The following ADIRF variants were observed in gnomAD, a reference collection of about 807,000 sequenced individuals.
The protein encoded by ADIRF is adipogenesis factor rich in obesity.
A neutral mutation model predicts 7.8 loss-of-function variants in ADIRF; 9 were observed. The ratio of observed to expected loss-of-function variants is 1.15; its 90% confidence interval spans 0.70 to 2.01. ADIRF has a LOEUF of 2.01. Among genes scored for constraint, ADIRF ranks in the 30% most tolerant of loss-of-function variants. The pLI is 0.00. For missense variants in ADIRF, 106 were observed against 98.1 expected (o/e 1.08, Z -0.34); for synonymous variants, 48 against 39.9 (o/e 1.20, Z -0.77).
chr10:86,970,813 A>G lies in ADIRF; in HGVS notation c.*231A>G. On this transcript the variant is annotated 3_prime_UTR_variant, in exon 3 of 3. Coordinates refer to ENST00000372013, the MANE Select transcript of ADIRF (RefSeq NM_006829.3). The stretch of plus-strand genomic sequence containing the variant: ...GCAGAGCCACCGTAGCCGGAGTCCT[A>G]GCCTCCCAAATTCGGAAATCCAATC... 3.3e-6 allele frequency: 2 copies of G among 611,238 alleles called. No homozygotes were observed. The highest frequency in any genetic ancestry group is 6.1e-6 in the Non-Finnish European group (2 of 327,172). The allele number at this position is 611,238 out of a possible 1,614,324, so 37.9% of individuals were successfully genotyped here.
intron 1 of ADIRF, 53 bp downstream of exon 1, chr10:86,968,658 C>A: frequency 6.3e-7 from 1 of 1,581,102 alleles, no homozygotes; most frequent in Non-Finnish European, 8.6e-7. Context: ...CGTGGATGCG[C>A]AGGCAGAAGC....
chr10:86,968,673 G>C, intron 1 of ADIRF, 68 bp downstream of exon 1: 1 of 1,545,242 alleles, frequency 6.5e-7, no homozygotes, highest in South Asian at 1.2e-5. Context: ...AGAAGCAGCG[G>C]GTCGGCGCGG....
At chr10:86,969,730 G>C (rs1844545013) in intron 1 of ADIRF, 1 of 152,954 alleles carries the variant, frequency 6.5e-6, no homozygotes, top group Non-Finnish European at 1.5e-5. Context: ...GGAGGGAGGA[G>C]GCAGTAAGGA....
intron 1 of ADIRF, 120 bp downstream of exon 1, chr10:86,968,725 G>C (rs1054712263): frequency 2.6e-6 from 3 of 1,169,384 alleles, no homozygotes; most frequent in African/African-American, 3.2e-5. Context: ...GGAAGGCTCG[G>C]TCCTCCACTG....
At position 86,970,680 on chromosome 10, in the gene ADIRF, C is replaced by A; in HGVS notation, c.*98C>A. ...TCTAGCACAGCCTGGCCCTGATCTC[C>A]GGGCAGCCACCACCTCCTCGGTCTG... On this transcript the variant is annotated 3_prime_UTR_variant, in exon 3 of 3. Coordinates refer to ENST00000372013, the MANE Select transcript of ADIRF (RefSeq NM_006829.3). The A allele has an allele frequency of 2.0e-6, 2 of 1,020,388 alleles. No homozygotes were observed. Among genetic ancestry groups the A allele is most frequent in the Non-Finnish European group, 3.0e-6 (2 of 663,164 alleles). The allele number at this position is 1,020,388 out of a possible 1,614,324, so 63.2% of individuals were successfully genotyped here.
chr10:86,970,549 T>C lies in ADIRF; in HGVS notation c.198T>C (p.Ser66=), dbSNP rs765406198. ...CTAACCAGGCCTCTGACACCTTCTC[T>C]GGGATTGGGAAAAAATTCGGCCTCC... ...KTANQASDTF[S]GIGKKFGLLK Residue 66 remains serine (S), a synonymous_variant, in exon 3 of 3, where the codon TCT becomes TCC. Transcript: ENST00000372013. 32 of 1,613,124 alleles carry C rather than the reference T, an allele frequency of 2.0e-5. No individual in the cohort carries two copies. The highest frequency in any genetic ancestry group is 2.7e-5 in the Non-Finnish European group (32 of 1,179,686).
In ADIRF at chr10:86,970,424, A is replaced by G. The variant is rs767405082; in HGVS notation, c.125-52A>G. On this transcript the variant is annotated intron_variant, in intron 2 of 2. Transcript: ENST00000372013. Reference sequence around the variant, plus strand: ...CCCAGGCCAGGCTAAGCCTACAGGCACTGTGGTTCCCGGGCCCTGCCTGAC... The same window carrying G: ...CCCAGGCCAGGCTAAGCCTACAGGCGCTGTGGTTCCCGGGCCCTGCCTGAC... 13 of 1,550,674 alleles carry G rather than the reference A, an allele frequency of 8.4e-6. No homozygotes were observed. In the South Asian group the frequency reaches 9.2e-5, roughly 11 times the overall value.
rs1371307205 is a variant in ADIRF at position 86,968,535 on chromosome 10, C to A, written c.-10C>A. The A allele has an allele frequency of 1.2e-6, 2 of 1,613,452 alleles. No homozygotes were observed. Among genetic ancestry groups the A allele is most frequent in the Non-Finnish European group, 1.7e-6 (2 of 1,179,800 alleles). ...GCTGCTCTTGACGACTCCACAGATA[C>A]CCCGAAGCCATGGCAAGCAAGGGCT... On this transcript the variant is annotated 5_prime_UTR_variant, in exon 1 of 3. Coordinates refer to ENST00000372013, the MANE Select transcript of ADIRF (RefSeq NM_006829.3).
chr10:86,970,109 A>G, intron 1 of ADIRF, 91 bp from the exon 2 acceptor site: 1 of 1,243,130 alleles, frequency 8.0e-7, no homozygotes, highest in South Asian at 2.2e-5. Flanking sequence ...ACCACCGAAT[A>G]CTCTGGAGGA....
chr10:86,970,064 ACTTTATC>A, intron 1 of ADIRF, 129 bp from the exon 2 acceptor site: 5 of 816,788 alleles, frequency 6.1e-6, no homozygotes, highest in Non-Finnish European at 8.5e-6. Context: ...TGGGCCAGGG[ACTTTATC>A]TCCATGGCAT....
At chr10:86,968,676 C>A in intron 1 of ADIRF, 71 bp downstream of exon 1, 2 of 1,535,634 alleles carry the variant, frequency 1.3e-6, no homozygotes, top group South Asian at 2.4e-5. Flanking sequence ...AGCAGCGGGT[C>A]GGCGCGGTCC....
rs757221181 is a variant in ADIRF, at chr10:86,968,616, C to G, written c.61+11C>G. On this transcript the variant is annotated intron_variant, in intron 1 of 2. Transcript: ENST00000372013. ...CCGCCCAGGAAGCCGGTGAGGATAG[C>G]GCGCGACCTAGGGCTCAGGCAGGGG... 5 of 1,612,454 alleles carry G rather than the reference C, an allele frequency of 3.1e-6. No homozygotes were observed. The South Asian group carries it at 4.4e-5, about 14-fold the overall frequency.
rs1459556099 is a variant in ADIRF, at chr10:86,968,586, G to A, written c.42G>A (p.Glu14=). The part of the protein sequence containing the change: ...KGLQDLKQQV[E]GTAQEAVSAA... The stretch of plus-strand genomic sequence containing the variant: ...TGCAGGACCTGAAGCAACAGGTGGA[G>A]GGGACCGCCCAGGAAGCCGGTGAGG... The change falls in exon 1 of 3, where the codon GAG becomes GAA. Residue 14 remains glutamate, a synonymous_variant. Coordinates refer to ENST00000372013, the MANE Select transcript of ADIRF (RefSeq NM_006829.3). 1.1e-5 allele frequency: 18 copies of A among 1,613,274 alleles called. No individual in the cohort carries two copies. Among genetic ancestry groups the A allele is most frequent in the East Asian group, 8.9e-5 (4 of 44,848 alleles).
At chr10:86,968,966 AC>A in intron 1 of ADIRF, 1 of 252,822 alleles carries the variant, frequency 4.0e-6, no homozygotes, top group Non-Finnish European at 7.4e-6. Context: ...CGCGCGCGCC[AC>A]CAGAGGCTGC....
chr10:86,968,646 T>C (rs1363523300), intron 1 of ADIRF, 41 bp downstream of exon 1: 1 of 1,592,964 alleles, frequency 6.3e-7, no homozygotes, highest in Admixed American at 1.8e-5. Context: ...CAGGGGCACC[T>C]GCGTGGATGC....
intron 2 of ADIRF, 70 bp from the exon 3 acceptor site, chr10:86,970,406 C>G (rs747747270): frequency 1.3e-6 from 2 of 1,524,302 alleles, no homozygotes; most frequent in Admixed American, 1.9e-5. Flanking sequence ...AGACCCAGGC[C>G]AGGCTAAGCC....
At chr10:86,968,782 G>C (rs1844519970) in intron 1 of ADIRF, 177 bp downstream of exon 1, 1 of 643,738 alleles carries the variant, frequency 1.6e-6, no homozygotes, top group Non-Finnish European at 2.5e-6. Flanking sequence ...GCAGACAGAT[G>C]GTGCCCGCAG....
At position 86,970,498 on chromosome 10, in the gene ADIRF, C is replaced by A. The variant is rs982225650; in HGVS notation, c.147C>A (p.Thr49=). ...GQKAMDQLAK[T]TQETIDKTAN... is the part of the protein sequence containing the mutation. ...CAGCCATGGACCAGCTGGCCAAGAC[C>A]ACCCAGGAAACCATCGACAAGACTG... Residue 49 remains threonine (T), a synonymous_variant, in exon 3 of 3, where the codon ACC becomes ACA. Transcript: ENST00000372013. 6.2e-7 allele frequency: 1 copy of A among 1,613,616 alleles called. No homozygotes were observed. Among genetic ancestry groups the A allele is most frequent in the Non-Finnish European group, 8.5e-7 (1 of 1,179,822 alleles).
intron 1 of ADIRF, 187 bp downstream of exon 1, chr10:86,968,792 G>C (rs1019517450): frequency 1.1e-4 from 69 of 612,670 alleles, no homozygotes; most frequent in Non-Finnish European, 1.6e-4. Context: ...GGTGCCCGCA[G>C]GGAGGCAGCG....
Sources: gnomAD v4.1 joint callset for allele counts on GRCh38, gnomAD v4.1.1 for gene constraint, MANE v1.5 for transcripts, NCBI Gene and HGNC (gene_info 2026-07-23, HGNC 2026-07-21) for gene names.